Variants in CNOT2 observed in about 807,000 individuals in gnomAD.
CNOT2 encodes the protein CC chemokine receptor 4-negative regulator of transcription 2.
CNOT2 carries 7 observed loss-of-function variants against 72.1 expected under a neutral mutation model. The ratio of observed to expected loss-of-function variants is 0.10; its 90% CI spans 0.06 to 0.18. The LOEUF is 0.18. CNOT2 is among the 10% of genes least tolerant of loss of function. The pLI, the probability that CNOT2 is intolerant of heterozygous loss-of-function variation, is 1.00. For synonymous variants in CNOT2, 196 were observed against 225.6 expected (o/e 0.87, Z 1.17); for missense variants, 345 against 660.3 (o/e 0.52, Z 5.23).
At chr12:70,320,901 C>G (rs1032160059) in intron 4 of CNOT2, among the ~76,000 whole-genome samples, 2 of 151,710 alleles carry the variant, frequency 1.3e-5, no homozygotes, top group Admixed American at 6.6e-5. Context: ...GCCTACAAAT[C>G]TGAAATTCTA....
intron 13 of CNOT2, among the ~76,000 whole-genome samples, chr12:70,342,745 T>C (rs1881672848): frequency 6.6e-6 from 1 of 152,170 alleles, no homozygotes; most frequent in Non-Finnish European, 1.5e-5. Flanking sequence ...AAAGTAGTTA[T>C]TAACAACAGA....
At chr12:70,294,416 C>A in intron 2 of CNOT2, 7 of 475,538 alleles carry the variant, frequency 1.5e-5, no homozygotes, top group Admixed American at 7.7e-5. Flanking sequence ...TGTTTGTTAT[C>A]AATTATTTTT....
intron 15 of CNOT2, 126 bp from the exon 16 acceptor site, chr12:70,353,703 G>A (rs1883151419): frequency 7.1e-7 from 1 of 1,412,704 alleles, no homozygotes; most frequent in South Asian, 1.4e-5. Context: ...AAAAACAGTT[G>A]GTATATCTGT....
At chr12:70,291,798 G>A (rs574482502) in intron 2 of CNOT2, among the ~76,000 whole-genome samples, 35 of 152,198 alleles carry the variant, frequency 2.3e-4, no homozygotes, top group African/African-American at 5.8e-4. Flanking sequence ...TTAGCCAGGC[G>A]TGGTGGCGGG....
In CNOT2 at chr12:70,319,312, A is replaced by G. The variant is rs1279230841; in HGVS notation, c.186A>G (p.Pro62=). 1.2e-6 allele frequency: 2 copies of G among 1,610,220 alleles called. No individual in the cohort carries two copies. The highest frequency in any genetic ancestry group is 1.1e-5 in the South Asian group (1 of 90,788). ...HRSEKDMLAS[P]STSGQLSQFG... The stretch of plus-strand genomic sequence containing the variant: ...TTTGTTTCTAGATGCTGGCATCACC[A>G]TCTACATCAGGTCAGCTGTCTCAGT... Residue 62 remains proline, a synonymous_variant, in exon 4 of 16, where the codon CCA becomes CCG. Transcript: ENST00000229195.
At chr12:70,266,099 G>GTATTATTAT (rs373889047) in intron 1 of CNOT2, among the ~76,000 whole-genome samples, 1 of 149,246 alleles carries the variant, frequency 6.7e-6, no homozygotes, top group African/African-American at 2.5e-5. Context: ...CGTTGATGTT[G>GTATTATTAT]TATTATTATT....
chr12:70,305,541 G>A (rs1234206378), intron 2 of CNOT2, among the ~76,000 whole-genome samples: 1 of 152,182 alleles, frequency 6.6e-6, no homozygotes, highest in Non-Finnish European at 1.5e-5. Flanking sequence ...GGGTTGGTTT[G>A]ATCAGCTTGA....
At chr12:70,276,396 T>C (rs576420236) in intron 1 of CNOT2, among the ~76,000 whole-genome samples, 4 of 152,116 alleles carry the variant, frequency 2.6e-5, no homozygotes, top group African/African-American at 9.6e-5. Flanking sequence ...ATTCTATAAG[T>C]ACTGACTGAA....
chr12:70,332,044 C>G (rs1057512737), intron 6 of CNOT2, among the ~76,000 whole-genome samples: 2 of 151,104 alleles, frequency 1.3e-5, no homozygotes, highest in Non-Finnish European at 3.0e-5. Context: ...TTACGAAATA[C>G]CAGTTGTGTA....
intron 2 of CNOT2, among the ~76,000 whole-genome samples, chr12:70,292,926 TC>T (rs1169024869): frequency 6.6e-6 from 1 of 152,202 alleles, no homozygotes; most frequent in African/African-American, 2.4e-5. Flanking sequence ...TTTAATTACT[TC>T]CTGTAACATA....
At position 70,351,560 on chromosome 12, in the gene CNOT2, A is replaced by G. The variant is rs138420308; in HGVS notation, c.1537-2269A>G. 3.7e-3 allele frequency among the ~76,000 whole-genome samples: 564 copies of G among 152,310 alleles called. 11 individuals carry two copies. The highest frequency in any genetic ancestry group is 0.013 in the African/African-American group (540 of 41,576). On this transcript the variant is annotated intron_variant, in intron 15 of 15. Coordinates refer to ENST00000229195, the MANE Select transcript of CNOT2 (RefSeq NM_014515.7). ...TATTTACGCTGCTTAGGTTTAAACT[A>G]TATTTTTCTGGGGGAAAATGTACAT...
intron 4 of CNOT2, among the ~76,000 whole-genome samples, chr12:70,325,974 G>A (rs12314244): frequency 0.011 from 1,686 of 151,868 alleles, 30 homozygotes; most frequent in African/African-American, 0.038. Context: ...TTTGCCATAA[G>A]TGTTTAAGTG....
At chr12:70,301,146 T>C (rs1025027608) in intron 2 of CNOT2, among the ~76,000 whole-genome samples, 6 of 152,228 alleles carry the variant, frequency 3.9e-5, no homozygotes, top group African/African-American at 1.2e-4. Context: ...TTTCTAGATA[T>C]ACAGTCATGT....
intron 1 of CNOT2, 138 bp from the exon 2 acceptor site, chr12:70,277,994 A>T (rs1015355245): frequency 1.2e-5 from 5 of 401,432 alleles, no homozygotes; most frequent in African/African-American, 2.1e-5. Context: ...GCCCGCGAAA[A>T]TGGTTACGAG....
intron 2 of CNOT2, among the ~76,000 whole-genome samples, chr12:70,303,523 T>C (rs893322016): frequency 2.0e-5 from 3 of 152,246 alleles, no homozygotes; most frequent in Admixed American, 6.5e-5. Flanking sequence ...ATTCTTTTCT[T>C]TAAGAATGTT....
chr12:70,338,112 G>A (rs1880945745), intron 9 of CNOT2: 1 of 221,272 alleles, frequency 4.5e-6, no homozygotes, highest in Non-Finnish European at 8.8e-6. Flanking sequence ...TTACATGAAA[G>A]CATTGAGGAG....
chr12:70,270,841 C>A (rs964871505), intron 1 of CNOT2, among the ~76,000 whole-genome samples: 1 of 152,094 alleles, frequency 6.6e-6, no homozygotes, highest in African/African-American at 2.4e-5. Context: ...TAAATGTGAT[C>A]TAAGTGAATA....
chr12:70,327,438 A>G (rs1879261959), intron 4 of CNOT2: 1 of 151,908 alleles, frequency 6.6e-6, no homozygotes, highest in Non-Finnish European at 1.5e-5. Context: ...TCATGCTGCT[A>G]TTAAAGAGCA....
chr12:70,352,954 A>G (rs1388770493), intron 15 of CNOT2, among the ~76,000 whole-genome samples: 1 of 152,008 alleles, frequency 6.6e-6, no homozygotes, highest in Non-Finnish European at 1.5e-5. Flanking sequence ...TTTCGGTGGC[A>G]GTTGATTTAT....
Sources: gnomAD v4.1 joint callset for allele counts (sites outside exome capture counted in the v4.1 genomes callset) on GRCh38, gnomAD v4.1.1 for gene constraint, MANE v1.5 for transcripts, NCBI Gene and HGNC (gene_info 2026-07-23, HGNC 2026-07-21) for gene names.